KCNAB1: variants seen among roughly 807,000 people sequenced by gnomAD.
The protein encoded by KCNAB1 is voltage-gated potassium channel subunit beta-1.
In KCNAB1, 35 loss-of-function variants were observed where a neutral mutation model predicts 64.6. The ratio of observed to expected loss-of-function variants is 0.54; its 90% CI spans 0.41 to 0.72. The LOEUF is 0.72. KCNAB1 is among the 30% of genes least tolerant of loss of function. The pLI, the probability that KCNAB1 is intolerant of heterozygous loss-of-function variation, is 0.00. For missense variants in KCNAB1, 401 were observed against 512.9 expected (o/e 0.78, Z 2.11); for synonymous variants, 177 against 183.8 (o/e 0.96, Z 0.30).
intron 1 of KCNAB1, among the ~76,000 whole-genome samples, chr3:156,236,500 A>G (rs1369956731): frequency 6.6e-6 from 1 of 152,222 alleles, no homozygotes; most frequent in South Asian, 2.1e-4. Flanking sequence ...TTTGGGAGCC[A>G]TAAGTCTATG....
intron 7 of KCNAB1, among the ~76,000 whole-genome samples, chr3:156,471,061 T>A (rs1159253560): frequency 5.3e-5 from 8 of 152,164 alleles, no homozygotes; most frequent in Admixed American, 1.3e-4. Flanking sequence ...TTAAGGCAAC[T>A]TTTTTTGCAA....
intron 1 of KCNAB1, among the ~76,000 whole-genome samples, chr3:156,189,965 G>A (rs920456139): frequency 6.6e-6 from 1 of 152,046 alleles, no homozygotes; most frequent in Non-Finnish European, 1.5e-5. Context: ...GTAATGTTTG[G>A]CCAAATATTA....
chr3:156,354,099 T>C (rs1385485368), intron 1 of KCNAB1, among the ~76,000 whole-genome samples: 1 of 136,428 alleles, frequency 7.3e-6, no homozygotes, highest in Non-Finnish European at 1.5e-5. Context: ...ATATATAATA[T>C]ATGTATATAT....
At chr3:156,538,645 G>C (rs1360775471), downstream of KCNAB1, 1 of 152,160 alleles carries the variant, frequency 6.6e-6, no homozygotes, top group Non-Finnish European at 1.5e-5. Context: ...AGGCTTATGT[G>C]TATTTTCCAT....
chr3:156,463,770 A>C, intron 6 of KCNAB1, 24 bp downstream of exon 6: 1 of 1,576,216 alleles, frequency 6.3e-7, no homozygotes, highest in Non-Finnish European at 8.7e-7. Flanking sequence ...CCTACTAAAC[A>C]GAAAACAACT....
At chr3:156,182,394 TG>T (rs1052526837) in intron 1 of KCNAB1, among the ~76,000 whole-genome samples, 2 of 152,214 alleles carry the variant, frequency 1.3e-5, no homozygotes, top group Admixed American at 6.5e-5. Context: ...GGAGAGATTG[TG>T]GGGCTTTACA....
At chr3:156,454,571 A>G (rs1455390344) in intron 3 of KCNAB1, among the ~76,000 whole-genome samples, 2 of 152,188 alleles carry the variant, frequency 1.3e-5, no homozygotes, top group African/African-American at 2.4e-5. Context: ...CTGAGGGCAC[A>G]TCCCAGAGTT....
intron 1 of KCNAB1, among the ~76,000 whole-genome samples, chr3:156,368,639 C>T (rs983883159): frequency 6.6e-6 from 1 of 152,104 alleles, no homozygotes; most frequent in African/African-American, 2.4e-5. Context: ...CATCAATGTG[C>T]CTGGGATATA....
chr3:156,372,643 G>A (rs1726391047), intron 1 of KCNAB1, among the ~76,000 whole-genome samples: 1 of 152,226 alleles, frequency 6.6e-6, no homozygotes, highest in Non-Finnish European at 1.5e-5. Flanking sequence ...GTAGGTGTGA[G>A]CTATCATTTA....
At chr3:156,498,682 A>G (rs1716173733) in intron 8 of KCNAB1, among the ~76,000 whole-genome samples, 1 of 152,256 alleles carries the variant, frequency 6.6e-6, no homozygotes, top group Non-Finnish European at 1.5e-5. Context: ...AACAGTGGAA[A>G]GAATATCCAA....
At chr3:156,129,042 G>GT (rs1713830570) in intron 1 of KCNAB1, among the ~76,000 whole-genome samples, 1 of 93,144 alleles carries the variant, frequency 1.1e-5, no homozygotes, top group Non-Finnish European at 2.3e-5. Context: ...TCTTCCCGGG[G>GT]CTTTTATAGT....
chr3:156,386,274 A>G (rs1712585316), intron 1 of KCNAB1, among the ~76,000 whole-genome samples: 1 of 152,204 alleles, frequency 6.6e-6, no homozygotes, highest in Non-Finnish European at 1.5e-5. Flanking sequence ...CCCCTTTTCC[A>G]TGATTCTTCC....
chr3:156,430,087 C>T (rs1716102158), intron 2 of KCNAB1, among the ~76,000 whole-genome samples: 1 of 152,124 alleles, frequency 6.6e-6, no homozygotes, highest in African/African-American at 2.4e-5. Flanking sequence ...GAATTGCTGA[C>T]AAAAAGAAAG....
intron 1 of KCNAB1, among the ~76,000 whole-genome samples, chr3:156,302,097 A>G (rs1008149254): frequency 6.6e-6 from 1 of 152,152 alleles, no homozygotes; most frequent in African/African-American, 2.4e-5. Flanking sequence ...TTCGGCTTCT[A>G]GAGGTTACCT....
intron 1 of KCNAB1, among the ~76,000 whole-genome samples, chr3:156,169,902 T>C (rs1711848295): frequency 6.6e-6 from 1 of 152,216 alleles, no homozygotes; most frequent in Non-Finnish European, 1.5e-5. Context: ...TTCATAGCAG[T>C]GTGAAAATGG....
At chr3:156,169,427 G>A (rs555166880) in intron 1 of KCNAB1, among the ~76,000 whole-genome samples, 1 of 152,210 alleles carries the variant, frequency 6.6e-6, no homozygotes, top group Non-Finnish European at 1.5e-5. Flanking sequence ...GAACGGGCAA[G>A]AAATTTAGTC....
intron 1 of KCNAB1, among the ~76,000 whole-genome samples, chr3:156,362,959 A>G (rs1725705747): frequency 6.6e-6 from 1 of 152,232 alleles, no homozygotes; most frequent in Non-Finnish European, 1.5e-5. Context: ...CTGTGGCAGC[A>G]GGTTTTCTGG....
intron 1 of KCNAB1, among the ~76,000 whole-genome samples, chr3:156,366,425 G>A (rs1442089485): frequency 6.6e-6 from 1 of 152,198 alleles, no homozygotes; most frequent in African/African-American, 2.4e-5. Context: ...GCTCCTAGAA[G>A]AGGACTGGGC....
At position 156,528,187 on chromosome 3, in the gene KCNAB1, A is replaced by AAAAAAG. The variant is rs59586180; in HGVS notation, c.1082-3221_1082-3220insAAAAGA. Among the ~76,000 whole-genome samples, 1,425 of 151,226 alleles carry AAAAAAG rather than the reference A, an allele frequency of 9.4e-3. 15 individuals are homozygous for AAAAAAG. Among genetic ancestry groups the AAAAAAG allele is most frequent in the Admixed American group, 0.019 (294 of 15,196 alleles). ...AAATAATGCAGTCAAAAAAAAAAAA[A>AAAAAAG]AGAGAGAGAAAGATTGGATTGGTAC... On this transcript the variant is annotated intron_variant, in intron 12 of 13. Transcript: ENST00000490337.
Sources: allele counts gnomAD v4.1 joint callset (sites outside exome capture counted in the v4.1 genomes callset), GRCh38; gene constraint gnomAD v4.1.1; transcripts MANE v1.5; gene names NCBI Gene and HGNC (gene_info 2026-07-23, HGNC 2026-07-21).